Variants in LSAMP observed in about 807,000 individuals in gnomAD.
LSAMP encodes limbic system-associated membrane protein.
In LSAMP, 7 loss-of-function variants were observed where a neutral mutation model predicts 38.6. The observed-to-expected ratio is 0.18, with a 90% confidence interval of 0.10 to 0.34. The LOEUF (loss-of-function observed/expected upper bound fraction) is 0.34, where lower values mean the gene tolerates loss of function less well. Ranked by LOEUF, LSAMP falls within the 10% of genes least tolerant of loss-of-function variation. The pLI, the probability that LSAMP is intolerant of heterozygous loss-of-function variation, is 1.00. For synonymous variants in LSAMP, 154 were observed against 166.8 expected (o/e 0.92, Z 0.59); for missense variants, 313 against 420.0 (o/e 0.75, Z 2.23).
intron 1 of LSAMP, among the ~76,000 whole-genome samples, chr3:116,424,006 A>C (rs1468995488): frequency 1.3e-5 from 2 of 152,204 alleles, no homozygotes; most frequent in Non-Finnish European, 2.9e-5. Flanking sequence ...CAAATGACTA[A>C]AAAGGGAATA....
At chr3:115,985,921 T>G (rs4831220) in intron 3 of LSAMP, among the ~76,000 whole-genome samples, 54,943 of 152,024 alleles carry the variant, frequency 0.36, 9,978 homozygotes, top group African/African-American at 0.39. Context: ...CCACAGAAAT[T>G]GTGAGATAAT....
chr3:116,429,484 G>C (rs550285580), intron 1 of LSAMP, among the ~76,000 whole-genome samples: 13 of 152,176 alleles, frequency 8.5e-5, no homozygotes, highest in Non-Finnish European at 1.6e-4. Flanking sequence ...AAATTATTTT[G>C]CTTCATTATT....
At chr3:115,857,481 G>A (rs1935545173) in intron 3 of LSAMP, among the ~76,000 whole-genome samples, 1 of 152,004 alleles carries the variant, frequency 6.6e-6, no homozygotes, top group Non-Finnish European at 1.5e-5. Flanking sequence ...CCACAATTTG[G>A]GTCTTTCTCT....
intron 3 of LSAMP, among the ~76,000 whole-genome samples, chr3:115,865,997 G>A (rs910482700): frequency 5.3e-5 from 8 of 152,074 alleles, no homozygotes; most frequent in South Asian, 2.1e-4. Flanking sequence ...GTAGCACTTC[G>A]TGTCACATGG....
At chr3:115,966,667 A>G (rs1248073067) in intron 3 of LSAMP, among the ~76,000 whole-genome samples, 1 of 152,250 alleles carries the variant, frequency 6.6e-6, no homozygotes, top group African/African-American at 2.4e-5. Context: ...GTTTTTATCC[A>G]ATGAACTACT....
chr3:115,836,411 C>T (rs1934786946), intron 6 of LSAMP, among the ~76,000 whole-genome samples: 3 of 152,090 alleles, frequency 2.0e-5, no homozygotes, highest in Admixed American at 2.0e-4. Flanking sequence ...AAGTAAATAC[C>T]ACTTATAAGG....
At chr3:116,174,675 G>A (rs757752077) in intron 1 of LSAMP, among the ~76,000 whole-genome samples, 2 of 151,834 alleles carry the variant, frequency 1.3e-5, no homozygotes, top group Admixed American at 6.6e-5. Context: ...TTTTGTGACC[G>A]TCTTTCAGCT....
At chr3:115,882,001 G>A (rs1365458572) in intron 3 of LSAMP, among the ~76,000 whole-genome samples, 1 of 152,112 alleles carries the variant, frequency 6.6e-6, no homozygotes, top group African/African-American at 2.4e-5. Context: ...GCTCCCAAGT[G>A]ATTAATGATA....
At chr3:116,326,053 T>C (rs2047767345) in intron 1 of LSAMP, among the ~76,000 whole-genome samples, 1 of 152,142 alleles carries the variant, frequency 6.6e-6, no homozygotes, top group Non-Finnish European at 1.5e-5. Flanking sequence ...ATTTGAACAC[T>C]CAGTTGTTTC....
At chr3:116,007,020 A>G (rs1209877157) in intron 3 of LSAMP, among the ~76,000 whole-genome samples, 1 of 152,206 alleles carries the variant, frequency 6.6e-6, no homozygotes, top group Non-Finnish European at 1.5e-5. Flanking sequence ...TCATTCAAAG[A>G]GTGACATTTT....
At chr3:116,306,249 G>C (rs2047483990) in intron 1 of LSAMP, among the ~76,000 whole-genome samples, 1 of 152,062 alleles carries the variant, frequency 6.6e-6, no homozygotes, top group South Asian at 2.1e-4. Flanking sequence ...GTAATAGGAA[G>C]TGGAGGATGA....
At chr3:116,063,025 A>G (rs1428493671) in intron 2 of LSAMP, among the ~76,000 whole-genome samples, 1 of 152,154 alleles carries the variant, frequency 6.6e-6, no homozygotes, top group Non-Finnish European at 1.5e-5. Context: ...AATTTTATAA[A>G]CAATTCTTAT....
rs947465364 is a variant in LSAMP at position 116,437,039 on chromosome 3, G to C, written c.155+7838C>G. 3.6e-5 allele frequency among the ~76,000 whole-genome samples: 5 copies of C among 137,066 alleles called. No homozygotes were observed. In the East Asian group the frequency reaches 1.0e-3, roughly 28 times the overall value. 89.9% of individuals were successfully genotyped at this position (137,066 alleles called of 152,430 possible). A position where few individuals can be genotyped will look rare whatever the true frequency, so the allele number is the denominator to read the frequency against. ...TATATGTGTGTGTATATATATATAT[G>C]TGTATATATATATATACACACACAC... is the stretch of plus-strand genomic sequence containing the variant. On this transcript the variant is annotated intron_variant, in intron 1 of 6. Coordinates refer to ENST00000490035, the MANE Select transcript of LSAMP (RefSeq NM_002338.5).
At chr3:116,428,024 A>T (rs768946640) in intron 1 of LSAMP, among the ~76,000 whole-genome samples, 2 of 152,116 alleles carry the variant, frequency 1.3e-5, no homozygotes, top group Non-Finnish European at 2.9e-5. Flanking sequence ...TTCATTCCAT[A>T]TGTCTTTTTG....
At chr3:116,437,814 T>G (rs956096432) in intron 1 of LSAMP, among the ~76,000 whole-genome samples, 6 of 152,112 alleles carry the variant, frequency 3.9e-5, no homozygotes, top group Admixed American at 3.3e-4. Flanking sequence ...GAAATGAAAA[T>G]TAAAATACAT....
chr3:116,101,379 A>G lies in LSAMP; in HGVS notation c.156-14823T>C, dbSNP rs982892476. Among the ~76,000 whole-genome samples the G allele has an allele frequency of 2.5e-4, 38 of 152,354 alleles. No individual in the cohort carries two copies. In the Middle Eastern group the frequency reaches 0.01, roughly 41 times the overall value. ...ATCTATGATACATCTACGTTATACTATAATAGATATGTGAAACTAAATTTT... is the reference window on the plus strand; with the variant it reads ...ATCTATGATACATCTACGTTATACTGTAATAGATATGTGAAACTAAATTTT... On this transcript the variant is annotated intron_variant, in intron 1 of 6. Transcript: ENST00000490035.
chr3:116,164,743 C>CAAATATATAT (rs1710001495), intron 1 of LSAMP, among the ~76,000 whole-genome samples: 1 of 48,446 alleles, frequency 2.1e-5, no homozygotes, highest in African/African-American at 7.9e-5. Context: ...TATATATATC[C>CAAATATATAT]ATATATATAT....
At chr3:115,977,539 T>C (rs1357035467) in intron 3 of LSAMP, among the ~76,000 whole-genome samples, 2 of 152,214 alleles carry the variant, frequency 1.3e-5, no homozygotes, top group Non-Finnish European at 2.9e-5. Flanking sequence ...TCAATTCCTT[T>C]GCTCAGATTT....
chr3:115,957,784 A>G (rs1938498560), intron 3 of LSAMP, among the ~76,000 whole-genome samples: 1 of 152,170 alleles, frequency 6.6e-6, no homozygotes, highest in African/African-American at 2.4e-5. Context: ...ATGATGACCC[A>G]CTTATCCAGA....
Sources: allele counts gnomAD v4.1 joint callset (sites outside exome capture counted in the v4.1 genomes callset), GRCh38; gene constraint gnomAD v4.1.1; transcripts MANE v1.5; gene names NCBI Gene and HGNC (gene_info 2026-07-23, HGNC 2026-07-21).